The following OPCML variants were observed in gnomAD, a reference collection of about 807,000 sequenced individuals.
The protein encoded by OPCML is opioid-binding protein/cell adhesion molecule.
OPCML carries 13 observed loss-of-function variants against 37.8 expected under a neutral mutation model. The observed-to-expected ratio is 0.34, with a 90% CI of 0.22 to 0.55. The LOEUF (loss-of-function observed/expected upper bound fraction) is 0.55, where lower values mean the gene tolerates loss of function less well. OPCML is among the 20% of genes least tolerant of loss of function. The pLI is 0.91. For synonymous variants in OPCML, 176 were observed against 168.8 expected (o/e 1.04, Z -0.33); for missense variants, 341 against 435.6 (o/e 0.78, Z 1.93).
At chr11:133,122,959 T>A (rs1331946296) in intron 1 of OPCML, among the ~76,000 whole-genome samples, 7 of 152,236 alleles carry the variant, frequency 4.6e-5, no homozygotes, top group Non-Finnish European at 1.0e-4. Context: ...ACTAGCAATG[T>A]GCTTCTAAAA....
intron 3 of OPCML, among the ~76,000 whole-genome samples, chr11:132,638,669 T>A (rs1204626554): frequency 6.6e-6 from 1 of 152,120 alleles, no homozygotes. Flanking sequence ...GCTGACTCCA[T>A]CCAGATCTGC....
At chr11:132,457,390 C>T (rs2096086239) in intron 4 of OPCML, among the ~76,000 whole-genome samples, 1 of 152,178 alleles carries the variant, frequency 6.6e-6, no homozygotes, top group African/African-American at 2.4e-5. Context: ...CAAACCTACA[C>T]TGATACATTT....
chr11:133,088,582 CA>C (rs1231870977), intron 1 of OPCML, among the ~76,000 whole-genome samples: 1 of 152,140 alleles, frequency 6.6e-6, no homozygotes, highest in Admixed American at 6.5e-5. Context: ...AAGGGGATTG[CA>C]ATAAAAATCA....
intron 4 of OPCML, among the ~76,000 whole-genome samples, chr11:132,486,537 C>T (rs2096200381): frequency 6.6e-6 from 1 of 152,008 alleles, no homozygotes; most frequent in South Asian, 2.1e-4. Context: ...TTGCTAGGCA[C>T]ATTGACCCAT....
chr11:132,696,484 G>T (rs912208454), intron 2 of OPCML, among the ~76,000 whole-genome samples: 1 of 152,104 alleles, frequency 6.6e-6, no homozygotes. Context: ...TATTCTTAGA[G>T]ATTTAAGATG....
intron 1 of OPCML, among the ~76,000 whole-genome samples, chr11:133,256,390 T>A (rs1941312611): frequency 6.6e-6 from 1 of 152,250 alleles, no homozygotes; most frequent in Non-Finnish European, 1.5e-5. Context: ...ATGTAACTAA[T>A]GCACTTATAT....
In OPCML at chr11:132,419,446, T is replaced by G. The variant is rs1169061631; in HGVS notation, c.*747A>C. 1 of 152,228 alleles carries G rather than the reference T, an allele frequency of 6.6e-6. No individual in the cohort carries two copies. The highest frequency in any genetic ancestry group is 1.5e-5 in the Non-Finnish European group (1 of 68,032). 9.4% of individuals were successfully genotyped at this position (152,228 alleles called of 1,614,324 possible). ...TATCAATCACGTTTATGAGTTGAACTTCTCTTTTTAAAATAGAGGTTCTAT... is the reference window on the plus strand; with the variant it reads ...TATCAATCACGTTTATGAGTTGAACGTCTCTTTTTAAAATAGAGGTTCTAT... On this transcript the variant is annotated 3_prime_UTR_variant, in exon 8 of 8. Coordinates refer to ENST00000524381, the MANE Select transcript of OPCML (RefSeq NM_001012393.5).
intron 2 of OPCML, among the ~76,000 whole-genome samples, chr11:132,716,023 T>C (rs998280636): frequency 5.9e-5 from 9 of 152,238 alleles, no homozygotes; most frequent in Non-Finnish European, 1.0e-4. Flanking sequence ...TTCAGAAATC[T>C]ATCAGCTAGA....
At chr11:133,043,247 G>A (rs1284670970) in intron 1 of OPCML, among the ~76,000 whole-genome samples, 1 of 152,078 alleles carries the variant, frequency 6.6e-6, no homozygotes, top group Non-Finnish European at 1.5e-5. Context: ...TTTCTCTTCT[G>A]GCTGTTCAAA....
intron 1 of OPCML, among the ~76,000 whole-genome samples, chr11:133,089,343 T>C (rs996708711): frequency 2.0e-5 from 3 of 152,246 alleles, no homozygotes; most frequent in African/African-American, 7.2e-5. Flanking sequence ...ATTATTTTCT[T>C]TGAAGAGAAT....
chr11:132,473,990 C>A (rs1408500786), intron 4 of OPCML, among the ~76,000 whole-genome samples: 1 of 152,038 alleles, frequency 6.6e-6, no homozygotes, highest in East Asian at 1.9e-4. Flanking sequence ...AGTGAACTTG[C>A]CAGGCCTCAG....
At chr11:133,373,424 A>AATATATATATATATATAT (rs57417327) in intron 1 of OPCML, among the ~76,000 whole-genome samples, 1,205 of 117,508 alleles carry the variant, frequency 0.01, 14 homozygotes, top group Non-Finnish European at 0.014. Context: ...ACTTAATTAA[A>AATATATATATATATATAT]ATATATATAT....
chr11:132,624,359 A>C (rs1349648048), intron 3 of OPCML, among the ~76,000 whole-genome samples: 1 of 152,186 alleles, frequency 6.6e-6, no homozygotes, highest in Non-Finnish European at 1.5e-5. Flanking sequence ...ATTAACATCC[A>C]CATAGCTGGC....
intron 1 of OPCML, among the ~76,000 whole-genome samples, chr11:133,196,912 G>A (rs1938557955): frequency 6.6e-6 from 1 of 152,188 alleles, no homozygotes; most frequent in Non-Finnish European, 1.5e-5. Flanking sequence ...GCGCAATTCT[G>A]TGTACAATTT....
chr11:132,593,780 A>G (rs1167216949), intron 3 of OPCML, among the ~76,000 whole-genome samples: 3 of 152,240 alleles, frequency 2.0e-5, no homozygotes, highest in Admixed American at 2.0e-4. Flanking sequence ...ATTAATGGTT[A>G]CAACAAGCAA....
At chr11:133,025,726 A>ATTTTT (rs869296316) in intron 1 of OPCML, among the ~76,000 whole-genome samples, 65 of 91,294 alleles carry the variant, frequency 7.1e-4, no homozygotes, top group Non-Finnish European at 9.6e-4. Flanking sequence ...TGCCGATTTG[A>ATTTTT]TTTTTTTTTT....
chr11:132,684,634 C>A (rs906725149), intron 2 of OPCML, among the ~76,000 whole-genome samples: 1 of 152,144 alleles, frequency 6.6e-6, no homozygotes, highest in Non-Finnish European at 1.5e-5. Flanking sequence ...CCAATGGATT[C>A]ATTAGCTTAA....
chr11:132,873,495 TAAG>T (rs1480924350), intron 2 of OPCML, among the ~76,000 whole-genome samples: 4 of 151,896 alleles, frequency 2.6e-5, no homozygotes, highest in Non-Finnish European at 5.9e-5. Context: ...TTATTTGGGA[TAAG>T]AATAATGCCT....
At chr11:132,989,993 G>A (rs1195127097) in intron 1 of OPCML, among the ~76,000 whole-genome samples, 1 of 152,130 alleles carries the variant, frequency 6.6e-6, no homozygotes, top group Admixed American at 6.5e-5. Flanking sequence ...TCATGCAAGG[G>A]TATGTGTGGA....
Sources: gnomAD v4.1 joint callset for allele counts (sites outside exome capture counted in the v4.1 genomes callset) on GRCh38, gnomAD v4.1.1 for gene constraint, MANE v1.5 for transcripts, NCBI Gene and HGNC (gene_info 2026-07-23, HGNC 2026-07-21) for gene names.